The following CCDC152 variants were observed in gnomAD, a reference collection of about 807,000 sequenced individuals.
CCDC152 encodes coiled-coil domain containing 152.
In CCDC152, 37 loss-of-function variants were observed where a neutral mutation model predicts 38.1. That is an observed-to-expected ratio of 0.97 (90% CI 0.75 to 1.28). CCDC152 has a LOEUF of 1.28. CCDC152 is among the 50% of genes most tolerant of loss of function. The probability of loss-of-function intolerance (pLI) is 0.00; values close to 1 mark genes in which losing one functional copy is unlikely to be tolerated. For synonymous variants in CCDC152, 83 were observed against 87.1 expected (o/e 0.95, Z 0.26); for missense variants, 259 against 292.1 (o/e 0.89, Z 0.83).
intron 3 of CCDC152, among the ~76,000 whole-genome samples, chr5:42,768,418 A>G (rs1181597615): frequency 6.6e-6 from 1 of 152,222 alleles, no homozygotes; most frequent in Non-Finnish European, 1.5e-5. Context: ...CTAATAGCCA[A>G]GTGGATTTCT....
At position 42,762,529 on chromosome 5, in the gene CCDC152, G is replaced by A; in HGVS notation, c.174G>A (p.Lys58=). 6.6e-7 allele frequency: 1 copy of A among 1,525,506 alleles called. No homozygotes were observed. Among genetic ancestry groups the A allele is most frequent in the Non-Finnish European group, 8.9e-7 (1 of 1,123,606 alleles). 94.5% of individuals were successfully genotyped at this position (1,525,506 alleles called of 1,614,324 possible). Reference sequence around the variant, plus strand: ...GCCTATTAAAAGTAATGCAAGCAAAGGAGGTCTCCATTAAAGAAGGTTAGT... The same window carrying A: ...GCCTATTAAAAGTAATGCAAGCAAAAGAGGTCTCCATTAAAGAAGGTTAGT... ...SNCLLKVMQA[K]EVSIKEECAT... is the part of the protein sequence containing the mutation. The change falls in exon 3 of 9, where the codon AAG becomes AAA. Residue 58 remains lysine (K), a synonymous_variant. Coordinates refer to ENST00000361970, the MANE Select transcript of CCDC152 (RefSeq NM_001134848.2).
intron 3 of CCDC152, among the ~76,000 whole-genome samples, chr5:42,767,434 A>C (rs1003469865): frequency 6.6e-6 from 1 of 152,178 alleles, no homozygotes; most frequent in African/African-American, 2.4e-5. Flanking sequence ...CTTAGAGCCC[A>C]CATTTGAGCT....
intron 6 of CCDC152, among the ~76,000 whole-genome samples, chr5:42,787,020 T>G (rs1369903097): frequency 5.3e-5 from 8 of 152,062 alleles, no homozygotes; most frequent in Admixed American, 5.2e-4. Flanking sequence ...ATACGTTTGA[T>G]ATAATTTTAT....
chr5:42,767,396 C>T (rs1023500608), intron 3 of CCDC152, among the ~76,000 whole-genome samples: 5 of 152,042 alleles, frequency 3.3e-5, no homozygotes, highest in African/African-American at 9.7e-5. Context: ...GTATGAAATA[C>T]ATATTAATAT....
intron 5 of CCDC152, among the ~76,000 whole-genome samples, chr5:42,781,274 T>G (rs2910856): frequency 0.45 from 67,787 of 151,928 alleles, 15,307 homozygotes; most frequent in East Asian, 0.58. Flanking sequence ...AATGGCAATT[T>G]GTGGGATTGC....
chr5:42,788,238 G>A, intron 6 of CCDC152, among the ~76,000 whole-genome samples: 1 of 149,390 alleles, frequency 6.7e-6, no homozygotes, highest in African/African-American at 2.5e-5. Context: ...TTTTCTTTAA[G>A]AAAGCTAAAA....
chr5:42,800,816 A>G lies in CCDC152; in HGVS notation c.*1035A>G. On this transcript the variant is annotated 3_prime_UTR_variant, in exon 9 of 9. Transcript: ENST00000361970. Reference sequence around the variant, plus strand: ...TAAGCTGCTGACTTATTTGTCAGGCAGCTGGAGGCAAACGTCACTGACAAG... The same window carrying G: ...TAAGCTGCTGACTTATTTGTCAGGCGGCTGGAGGCAAACGTCACTGACAAG... 1 of 1,614,228 alleles carries G rather than the reference A, an allele frequency of 6.2e-7. No individual in the cohort carries two copies. Among genetic ancestry groups the G allele is most frequent in the Non-Finnish European group, 8.5e-7 (1 of 1,180,034 alleles).
At chr5:42,763,004 C>T (rs568101233) in intron 3 of CCDC152, among the ~76,000 whole-genome samples, 22 of 152,344 alleles carry the variant, frequency 1.4e-4, no homozygotes, top group African/African-American at 5.1e-4. Context: ...GCCCCACTGA[C>T]ATTGAACATA....
chr5:42,765,725 C>G (rs1244538999), intron 3 of CCDC152, among the ~76,000 whole-genome samples: 1 of 152,158 alleles, frequency 6.6e-6, no homozygotes. Flanking sequence ...AAGAATGAAA[C>G]TAGATTCCTG....
At position 42,800,769 on chromosome 5, in the gene CCDC152, C is replaced by G; in HGVS notation, c.*988C>G. On this transcript the variant is annotated 3_prime_UTR_variant, in exon 9 of 9. Coordinates refer to ENST00000361970, the MANE Select transcript of CCDC152 (RefSeq NM_001134848.2). ...TTTTGCCTGATTCTTTCAGCGTCAACTGGCACTGGCTTCTGTGGGTATAAG... is the reference window on the plus strand; with the variant it reads ...TTTTGCCTGATTCTTTCAGCGTCAAGTGGCACTGGCTTCTGTGGGTATAAG... 1 of 1,612,332 alleles carries G rather than the reference C, an allele frequency of 6.2e-7. No homozygotes were observed. Among genetic ancestry groups the G allele is most frequent in the Non-Finnish European group, 8.5e-7 (1 of 1,178,642 alleles).
At chr5:42,778,604 C>T (rs1759798992) in intron 4 of CCDC152, among the ~76,000 whole-genome samples, 1 of 152,190 alleles carries the variant, frequency 6.6e-6, no homozygotes, top group East Asian at 1.9e-4. Context: ...CTCCCCCTTT[C>T]TCTTTTGCCT....
chr5:42,773,884 A>G (rs924590593), intron 4 of CCDC152, among the ~76,000 whole-genome samples: 11 of 152,246 alleles, frequency 7.2e-5, no homozygotes, highest in African/African-American at 2.7e-4. Flanking sequence ...AAGCAACTTC[A>G]GGGCTGAAAA....
At chr5:42,798,556 C>T (rs1162719677) in intron 7 of CCDC152, among the ~76,000 whole-genome samples, 1 of 152,186 alleles carries the variant, frequency 6.6e-6, no homozygotes, top group African/African-American at 2.4e-5. Flanking sequence ...GATCTACTAC[C>T]AACTTCTAAT....
chr5:42,767,670 A>G (rs1197076729), intron 3 of CCDC152, among the ~76,000 whole-genome samples: 1 of 152,248 alleles, frequency 6.6e-6, no homozygotes, highest in Non-Finnish European at 1.5e-5. Flanking sequence ...TCTATGCTCC[A>G]TTGTAGAAAA....
intron 6 of CCDC152, among the ~76,000 whole-genome samples, chr5:42,785,262 C>G (rs918960330): frequency 6.6e-6 from 1 of 152,066 alleles, no homozygotes; most frequent in Non-Finnish European, 1.5e-5. Context: ...TTTGTGTCAT[C>G]TATGATTTCT....
Position 42,796,828 on chromosome 5 carries a change from G to A in CCDC152, c.431-1G>A. On this transcript the variant is annotated splice_acceptor_variant, in intron 6 of 8. Coordinates refer to ENST00000361970, the MANE Select transcript of CCDC152 (RefSeq NM_001134848.2). LOFTEE classifies it high-confidence loss of function. ...AATTTTATTTATTTCATTTTATTCA[G>A]TTGAATTAAATGAAGAAAAGCACAA... 1 of 1,407,146 alleles carries A rather than the reference G, an allele frequency of 7.1e-7. No individual in the cohort carries two copies. The highest frequency in any genetic ancestry group is 9.4e-7 in the Non-Finnish European group (1 of 1,059,230). 87.2% of individuals were successfully genotyped at this position (1,407,146 alleles called of 1,614,324 possible). A position where few individuals can be genotyped will look rare whatever the true frequency, so the allele number is the denominator to read the frequency against.
chr5:42,764,568 C>A (rs1200139117), intron 3 of CCDC152, among the ~76,000 whole-genome samples: 1 of 152,150 alleles, frequency 6.6e-6, no homozygotes, highest in Non-Finnish European at 1.5e-5. Context: ...TTAGAAAGAT[C>A]TTTCATCATG....
At chr5:42,783,352 TA>T (rs1759873746) in intron 5 of CCDC152, 121 bp from the exon 6 acceptor site, 1 of 310,826 alleles carries the variant, frequency 3.2e-6, no homozygotes, top group South Asian at 1.4e-4. Context: ...AAAAGTAACA[TA>T]AATGGAGAAT....
intron 7 of CCDC152, among the ~76,000 whole-genome samples, chr5:42,798,747 T>A (rs1016138941): frequency 2.0e-5 from 3 of 152,036 alleles, no homozygotes; most frequent in African/African-American, 7.2e-5. Context: ...TAACTAAATC[T>A]GAAGAGAAGA....
Sources: allele counts gnomAD v4.1 joint callset (sites outside exome capture counted in the v4.1 genomes callset), GRCh38; gene constraint gnomAD v4.1.1; transcripts MANE v1.5; gene names NCBI Gene and HGNC (gene_info 2026-07-23, HGNC 2026-07-21).